TMEM169: variants seen among roughly 807,000 people sequenced by gnomAD.
TMEM169 encodes the protein transmembrane protein 169.
Under a neutral mutation model 27.3 loss-of-function variants are expected in TMEM169, and 18 were observed. The ratio of observed to expected loss-of-function variants is 0.66; its 90% confidence interval spans 0.46 to 0.98. The LOEUF is 0.98. Ranked by LOEUF, TMEM169 falls within the 50% of genes least tolerant of loss-of-function variation. The probability of loss-of-function intolerance (pLI) is 0.00; values close to 1 mark genes in which losing one functional copy is unlikely to be tolerated. For missense variants in TMEM169, 320 were observed against 368.6 expected (o/e 0.87, Z 1.08); for synonymous variants, 136 against 142.1 (o/e 0.96, Z 0.30).
chr2:216,086,411 T>A (rs1695999307), intron 1 of TMEM169, among the ~76,000 whole-genome samples: 1 of 152,130 alleles, frequency 6.6e-6, no homozygotes, highest in Admixed American at 6.6e-5. Flanking sequence ...GGGCACAGCT[T>A]AACTGCCAGA....
rs770426052 is a variant in TMEM169 at position 216,100,530 on chromosome 2, C to T, written c.882C>T (p.Thr294=). 1.2e-6 allele frequency: 2 copies of T among 1,614,070 alleles called. No homozygotes were observed. The highest frequency in any genetic ancestry group is 8.5e-7 in the Non-Finnish European group (1 of 1,180,016). Reference sequence around the variant, plus strand: ...AGGACCCCATCCAAGAAGTAGAAACCTCCACGGTCTAAACTCCCAACAACT... The same window carrying T: ...AGGACCCCATCCAAGAAGTAGAAACTTCCACGGTCTAAACTCCCAACAACT... ...SNKDPIQEVE[T]STV The change falls in exon 3 of 3, where the codon ACC becomes ACT. Residue 294 remains threonine (T), a synonymous_variant. Coordinates refer to ENST00000437356, the MANE Select transcript of TMEM169 (RefSeq NM_001142311.2).
chr2:216,082,022 G>A (rs1695870076), intron 1 of TMEM169, 43 bp downstream of exon 1: 1 of 449,628 alleles, frequency 2.2e-6, no homozygotes, highest in African/African-American at 2.2e-5. Context: ...ATGCCATTGG[G>A]GAGGGTGGAA....
intron 1 of TMEM169, among the ~76,000 whole-genome samples, chr2:216,089,809 T>C (rs1048255023): frequency 1.3e-5 from 2 of 152,212 alleles, no homozygotes; most frequent in African/African-American, 4.8e-5. Flanking sequence ...TATGCAAGTA[T>C]AGAATTAAAC....
chr2:216,082,423 C>G (rs1695886498), intron 1 of TMEM169: 2 of 152,430 alleles, frequency 1.3e-5, no homozygotes, highest in Admixed American at 1.3e-4. Flanking sequence ...TCAGGCCCAC[C>G]TCCGTCTCAC....
chr2:216,101,087 A>ACCACCG lies in TMEM169; in HGVS notation c.*545_*546insCCACCG. 1 of 169,148 alleles carries ACCACCG rather than the reference A, an allele frequency of 5.9e-6. No homozygotes were observed. Among genetic ancestry groups the ACCACCG allele is most frequent in the Non-Finnish European group, 1.3e-5 (1 of 77,330 alleles). 10.5% of individuals were successfully genotyped at this position (169,148 alleles called of 1,614,324 possible). A position where few individuals can be genotyped will look rare whatever the true frequency, so the allele number is the denominator to read the frequency against. ...AGAAGTGTATTTCTTTCTTGTGCAG[A>ACCACCG]AGAAGTCTGGAGGCAGACCATCCTG... is the stretch of plus-strand genomic sequence containing the variant. On this transcript the variant is annotated 3_prime_UTR_variant, in exon 3 of 3. Coordinates refer to ENST00000437356, the MANE Select transcript of TMEM169 (RefSeq NM_001142311.2).
At position 216,100,272 on chromosome 2, in the gene TMEM169, T is replaced by G; in HGVS notation, c.624T>G (p.Pro208=). ...RTFWHKISYC[P]CLVLFYPVLI... is the part of the protein sequence containing the mutation. ...TCTGGCACAAGATCTCGTATTGCCCTTGCCTCGTTCTCTTCTATCCAGTGC... is the reference window on the plus strand; with the variant it reads ...TCTGGCACAAGATCTCGTATTGCCCGTGCCTCGTTCTCTTCTATCCAGTGC... Residue 208 remains proline, a synonymous_variant, in exon 3 of 3, where the codon CCT becomes CCG. Coordinates refer to ENST00000437356, the MANE Select transcript of TMEM169 (RefSeq NM_001142311.2). The G allele has an allele frequency of 6.2e-7, 1 of 1,613,730 alleles. No homozygotes were observed. Among genetic ancestry groups the G allele is most frequent in the African/African-American group, 1.3e-5 (1 of 74,872 alleles).
chr2:216,100,607 G>T lies in TMEM169; in HGVS notation c.*65G>T. The T allele has an allele frequency of 1.9e-6, 3 of 1,602,808 alleles. No homozygotes were observed. The highest frequency in any genetic ancestry group is 2.6e-6 in the Non-Finnish European group (3 of 1,174,894). ...TATATATCATCTTAAAATTCCAGCA[G>T]ATTATTTCTTTAAATTACCCCCTAC... On this transcript the variant is annotated 3_prime_UTR_variant, in exon 3 of 3. Transcript: ENST00000437356.
Position 216,099,815 on chromosome 2 carries a change from T to TA in TMEM169, c.272-99dup. 1 of 1,466,708 alleles carries TA rather than the reference T, an allele frequency of 6.8e-7. No individual in the cohort carries two copies. Among genetic ancestry groups the TA allele is most frequent in the Non-Finnish European group, 9.2e-7 (1 of 1,091,714 alleles). 90.9% of individuals were successfully genotyped at this position (1,466,708 alleles called of 1,614,324 possible). The stretch of plus-strand genomic sequence containing the variant: ...TGACTCAGGACTGTGCCAGATGGTG[T>TA]AAAAAAGGCTACTCTTGTCCTCATG... On this transcript the variant is annotated intron_variant, in intron 2 of 2. Coordinates refer to ENST00000437356, the MANE Select transcript of TMEM169 (RefSeq NM_001142311.2). The surrounding 1 kb of genome is among the most constrained non-coding windows in gnomAD (Gnocchi z 5.0).
In TMEM169 at chr2:216,100,078, C is replaced by A. The variant is rs1352331690; in HGVS notation, c.430C>A (p.Pro144Thr). Reference protein sequence around the residue: ...KPKESSRETTPEGRMACQMGA... With the variant: ...KPKESSRETTTEGRMACQMGA... ...TAAAGAGTCATCAAGGGAAACGACGCCTGAAGGAAGAATGGCCTGCCAGAT... is the reference window on the plus strand; with the variant it reads ...TAAAGAGTCATCAAGGGAAACGACGACTGAAGGAAGAATGGCCTGCCAGAT... Residue 144 changes from proline to threonine, a missense_variant, in exon 3 of 3, where the codon CCT becomes ACT. By Grantham distance (38) the Pro-to-Thr change is conservative. Transcript: ENST00000437356. The A allele has an allele frequency of 1.9e-6, 3 of 1,614,042 alleles. No individual in the cohort carries two copies. Among genetic ancestry groups the A allele is most frequent in the Non-Finnish European group, 2.5e-6 (3 of 1,180,026 alleles).
rs1696251389 is a variant in TMEM169 at position 216,095,930 on chromosome 2, T to A, written c.-34T>A. On this transcript the variant is annotated 5_prime_UTR_variant, in exon 2 of 3. Coordinates refer to ENST00000437356, the MANE Select transcript of TMEM169 (RefSeq NM_001142311.2). ...GTGAGTTTACTCAAACAAGTCCAAC[T>A]CTTTATAAGACATAGGTAGACGTCA... is the stretch of plus-strand genomic sequence containing the variant. 6 of 1,583,414 alleles carry A rather than the reference T, an allele frequency of 3.8e-6. No homozygotes were observed. The highest frequency in any genetic ancestry group is 3.4e-5 in the South Asian group (3 of 87,652).
intron 1 of TMEM169, among the ~76,000 whole-genome samples, chr2:216,085,052 C>A (rs1439363369): frequency 2.0e-5 from 3 of 152,252 alleles, no homozygotes; most frequent in South Asian, 2.1e-4. Context: ...GCAGTGGCAG[C>A]GATCTCGGCT....
chr2:216,086,941 G>A (rs1374790873), intron 1 of TMEM169, among the ~76,000 whole-genome samples: 1 of 152,226 alleles, frequency 6.6e-6, no homozygotes, highest in East Asian at 1.9e-4. Context: ...TAATATTTAT[G>A]AAGTGTCAGT....
chr2:216,102,052 G>C lies in TMEM169; in HGVS notation c.*1510G>C, dbSNP rs553490633. ...TTGGAAAGGAATAGTGGACAGGAGA[G>C]TACAATTTATAATAGTAGCATAACT... is the stretch of plus-strand genomic sequence containing the variant. On this transcript the variant is annotated 3_prime_UTR_variant, in exon 3 of 3. Coordinates refer to ENST00000437356, the MANE Select transcript of TMEM169 (RefSeq NM_001142311.2). 1.3e-5 allele frequency: 2 copies of C among 152,300 alleles called. No homozygotes were observed. The highest frequency in any genetic ancestry group is 4.2e-4 in the South Asian group (2 of 4,818). 9.4% of individuals were successfully genotyped at this position (152,300 alleles called of 1,614,324 possible).
intron 1 of TMEM169, among the ~76,000 whole-genome samples, chr2:216,092,147 T>C (rs1696148716): frequency 6.6e-6 from 1 of 152,218 alleles, no homozygotes; most frequent in South Asian, 2.1e-4. Context: ...TTTTTGCCTC[T>C]GATAGGATTG....
At chr2:216,082,046 A>AAG in intron 1 of TMEM169, 67 bp downstream of exon 1, 4 of 352,022 alleles carry the variant, frequency 1.1e-5, no homozygotes, top group Non-Finnish European at 2.1e-5. Context: ...AAATGCAAAA[A>AAG]AAAAAAAAGA....
At chr2:216,097,589 A>T (rs111643006) in intron 2 of TMEM169, among the ~76,000 whole-genome samples, 2,141 of 151,960 alleles carry the variant, frequency 0.014, 43 homozygotes, top group African/African-American at 0.046. Flanking sequence ...AAATAATAAT[A>T]ATTATTATTA....
chr2:216,097,608 C>A (rs978095302), intron 2 of TMEM169, among the ~76,000 whole-genome samples: 7 of 151,872 alleles, frequency 4.6e-5, no homozygotes, highest in Admixed American at 3.9e-4. Flanking sequence ...TATTGTGCAG[C>A]CGTAGAGAGA....
At chr2:216,098,146 G>A (rs1458797687) in intron 2 of TMEM169, among the ~76,000 whole-genome samples, 1 of 152,208 alleles carries the variant, frequency 6.6e-6, no homozygotes, top group Non-Finnish European at 1.5e-5. Context: ...TCAAGTGCAA[G>A]AGGAAGTCAA....
intron 1 of TMEM169, among the ~76,000 whole-genome samples, chr2:216,084,348 A>G (rs1695949402): frequency 6.6e-6 from 1 of 152,144 alleles, no homozygotes; most frequent in Non-Finnish European, 1.5e-5. Context: ...CTACCTAGCA[A>G]TTGTGCCATA....
Sources: allele counts gnomAD v4.1 joint callset (sites outside exome capture counted in the v4.1 genomes callset), GRCh38; gene constraint gnomAD v4.1.1; non-coding constraint Gnocchi (gnomAD v3.1); transcripts MANE v1.5; gene names NCBI Gene and HGNC (gene_info 2026-07-23, HGNC 2026-07-21).